BCAP29: variants seen among roughly 807,000 people sequenced by gnomAD.
BCAP29 encodes B-cell receptor-associated protein 29.
Under a neutral mutation model 31.8 loss-of-function variants are expected in BCAP29, and 34 were observed. The ratio of observed to expected loss-of-function variants is 1.07; its 90% CI spans 0.81 to 1.42. The LOEUF (loss-of-function observed/expected upper bound fraction) is 1.42. Ranked by LOEUF, BCAP29 falls within the 40% of genes most tolerant of loss-of-function variation. BCAP29 has a pLI of 0.00. For synonymous variants in BCAP29, 104 were observed against 91.3 expected (o/e 1.14, Z -0.79); for missense variants, 314 against 269.2 (o/e 1.17, Z -1.16).
intron 6 of BCAP29, 65 bp downstream of exon 6, chr7:107,600,570 T>C (rs746551598): frequency 7.5e-6 from 7 of 932,376 alleles, no homozygotes; most frequent in Non-Finnish European, 1.1e-5. Flanking sequence ...TACACTTCAC[T>C]GTTTTTCCTA....
chr7:107,620,247 T>C lies in BCAP29; in HGVS notation c.*1884T>C, dbSNP rs1814821557. 6.6e-6 allele frequency: 1 copy of C among 152,200 alleles called. No homozygotes were observed. The highest frequency in any genetic ancestry group is 2.1e-4 in the South Asian group (1 of 4,822). 9.4% of individuals were successfully genotyped at this position (152,200 alleles called of 1,614,324 possible). A position where few individuals can be genotyped will look rare whatever the true frequency, so the allele number is the denominator to read the frequency against. On this transcript the variant is annotated 3_prime_UTR_variant, in exon 8 of 8. Coordinates refer to ENST00000005259, the MANE Select transcript of BCAP29 (RefSeq NM_018844.4). Reference sequence around the variant, plus strand: ...CCAGGCTGTAAGTCTAGAATTTAGATATCCTGATCCCCCAGATACCGCTCT... The same window carrying C: ...CCAGGCTGTAAGTCTAGAATTTAGACATCCTGATCCCCCAGATACCGCTCT...
chr7:107,594,309 C>T (rs1239137907), intron 4 of BCAP29: 3 of 535,898 alleles, frequency 5.6e-6, no homozygotes, highest in Admixed American at 3.1e-5. Flanking sequence ...CCTCTTCAAC[C>T]TCTCATTTCT....
intron 3 of BCAP29, 145 bp from the exon 4 acceptor site, chr7:107,593,810 A>T: frequency 1.4e-6 from 1 of 694,456 alleles, no homozygotes; most frequent in Non-Finnish European, 2.3e-6. Context: ...GTTCCCGGGT[A>T]CTGTAGACGG....
At position 107,619,874 on chromosome 7, in the gene BCAP29, A is replaced by T. The variant is rs1246343771; in HGVS notation, c.*1511A>T. The T allele has an allele frequency of 6.6e-6, 1 of 152,238 alleles. No homozygotes were observed. The highest frequency in any genetic ancestry group is 1.5e-5 in the Non-Finnish European group (1 of 68,042). 9.4% of individuals were successfully genotyped at this position (152,238 alleles called of 1,614,324 possible). A position where few individuals can be genotyped will look rare whatever the true frequency, so the allele number is the denominator to read the frequency against. ...GAAAAATAGAAAATGCACAGCTTTA[A>T]AATGGGCAGAGTTAAAATCTATTCC... On this transcript the variant is annotated 3_prime_UTR_variant, in exon 8 of 8. Coordinates refer to ENST00000005259, the MANE Select transcript of BCAP29 (RefSeq NM_018844.4).
Position 107,588,595 on chromosome 7 carries a change from A to G in BCAP29, c.193+4613A>G, listed in dbSNP as rs1167121566. Among the ~76,000 whole-genome samples, 5 of 152,178 alleles carry G rather than the reference A, an allele frequency of 3.3e-5. No individual in the cohort carries two copies. The East Asian group carries it at 9.6e-4, about 29-fold the overall frequency. On this transcript the variant is annotated intron_variant, in intron 3 of 7. Coordinates refer to ENST00000005259, the MANE Select transcript of BCAP29 (RefSeq NM_018844.4). ...GCAGGCAGAAACTAGAGGGACGTCAACCCTTAAAAGAAGGGAATCATACTG... is the reference window on the plus strand; with the variant it reads ...GCAGGCAGAAACTAGAGGGACGTCAGCCCTTAAAAGAAGGGAATCATACTG...
intron 3 of BCAP29, 51 bp from the exon 4 acceptor site, chr7:107,593,904 A>G: frequency 6.6e-7 from 1 of 1,523,668 alleles, no homozygotes; most frequent in East Asian, 2.3e-5. Flanking sequence ...ATTTTTAACA[A>G]GCTTATATTC....
At chr7:107,604,455 T>A (rs548294306) in intron 6 of BCAP29, among the ~76,000 whole-genome samples, 11 of 152,286 alleles carry the variant, frequency 7.2e-5, no homozygotes, top group Admixed American at 3.3e-4. Flanking sequence ...AAGCTTTGTA[T>A]ACAAGTTTAA....
chr7:107,615,601 A>G (rs1246624464), intron 7 of BCAP29: 1 of 239,716 alleles, frequency 4.2e-6, no homozygotes, highest in African/African-American at 2.2e-5. Flanking sequence ...ATCTCAGAAA[A>G]AAAAAAAGTG....
chr7:107,613,452 T>C lies in BCAP29; in HGVS notation c.690+20T>C. 2 of 1,538,204 alleles carry C rather than the reference T, an allele frequency of 1.3e-6. No homozygotes were observed. The highest frequency in any genetic ancestry group is 1.8e-6 in the Non-Finnish European group (2 of 1,115,090). On this transcript the variant is annotated intron_variant, in intron 7 of 7. Transcript: ENST00000005259. ...CTTCAGGTGGGTGTGACATGCACTT[T>C]ATGCACCTAAATGTTTTGAAATAGT...
chr7:107,588,666 C>G (rs1334288457), intron 3 of BCAP29, among the ~76,000 whole-genome samples: 1 of 152,132 alleles, frequency 6.6e-6, no homozygotes, highest in Non-Finnish European at 1.5e-5. Flanking sequence ...GCTTTCCAGT[C>G]ATGTGGCATA....
Position 107,618,599 on chromosome 7 carries a change from A to G in BCAP29, c.*236A>G, listed in dbSNP as rs1029547754. On this transcript the variant is annotated 3_prime_UTR_variant, in exon 8 of 8. Coordinates refer to ENST00000005259, the MANE Select transcript of BCAP29 (RefSeq NM_018844.4). ...TAAGCATGTTAAATACCATATTTAC[A>G]TATTGATAATGTCATTGGTATATGG... 5 of 1,577,068 alleles carry G rather than the reference A, an allele frequency of 3.2e-6. No individual in the cohort carries two copies. The African/African-American group carries it at 6.8e-5, about 21-fold the overall frequency.
intron 7 of BCAP29, among the ~76,000 whole-genome samples, chr7:107,614,203 A>G (rs1175817132): frequency 1.3e-5 from 2 of 152,210 alleles, no homozygotes; most frequent in Middle Eastern, 3.2e-3. Flanking sequence ...TTTACAAATA[A>G]TAGCTTTTTA....
At chr7:107,602,039 A>G (rs1811269395) in intron 6 of BCAP29, among the ~76,000 whole-genome samples, 2 of 152,218 alleles carry the variant, frequency 1.3e-5, no homozygotes, top group Admixed American at 6.5e-5. Flanking sequence ...TCTTTAAAAG[A>G]CAAAATCAGA....
At chr7:107,605,256 C>T (rs1328813501) in intron 6 of BCAP29, among the ~76,000 whole-genome samples, 1 of 152,128 alleles carries the variant, frequency 6.6e-6, no homozygotes, top group Non-Finnish European at 1.5e-5. Flanking sequence ...ATATTATTCA[C>T]AGTACTAGCA....
intron 6 of BCAP29, among the ~76,000 whole-genome samples, chr7:107,605,059 A>G (rs1811837080): frequency 6.6e-6 from 1 of 152,204 alleles, no homozygotes; most frequent in Non-Finnish European, 1.5e-5. Flanking sequence ...TTCTTGGACT[A>G]ATATATAATG....
intron 2 of BCAP29, among the ~76,000 whole-genome samples, chr7:107,582,393 T>C (rs1343361554): frequency 6.6e-6 from 1 of 152,242 alleles, no homozygotes; most frequent in East Asian, 1.9e-4. Flanking sequence ...ATTTACAATA[T>C]GTCCTATGTG....
intron 2 of BCAP29, among the ~76,000 whole-genome samples, chr7:107,582,534 C>G (rs976432323): frequency 2.6e-5 from 4 of 152,174 alleles, no homozygotes; most frequent in Non-Finnish European, 5.9e-5. Context: ...ATCAGGTCAC[C>G]TATAACTGCA....
At chr7:107,593,137 T>C (rs1585092803) in intron 3 of BCAP29, among the ~76,000 whole-genome samples, 1 of 152,202 alleles carries the variant, frequency 6.6e-6, no homozygotes, top group East Asian at 1.9e-4. Flanking sequence ...GGAGTCTCCT[T>C]GTGTGGCAAT....
intron 7 of BCAP29, among the ~76,000 whole-genome samples, chr7:107,617,663 C>G (rs1814432005): frequency 6.6e-6 from 1 of 152,120 alleles, no homozygotes; most frequent in Admixed American, 6.5e-5. Flanking sequence ...TTTACCTCCT[C>G]TACTCTTGTC....
Sources: allele counts gnomAD v4.1 joint callset (sites outside exome capture counted in the v4.1 genomes callset), GRCh38; gene constraint gnomAD v4.1.1; transcripts MANE v1.5; gene names NCBI Gene and HGNC (gene_info 2026-07-23, HGNC 2026-07-21).